CYP39A1: variants seen among roughly 807,000 people sequenced by gnomAD.
The protein encoded by CYP39A1 is cytochrome P450 family 39 subfamily A member 1.
Under a neutral mutation model 58.1 loss-of-function variants are expected in CYP39A1, and 49 were observed. The observed-to-expected ratio is 0.84, with a 90% CI of 0.67 to 1.07. The LOEUF (loss-of-function observed/expected upper bound fraction) is 1.07. Among genes scored for constraint, CYP39A1 ranks in the 50% least tolerant of loss-of-function variants. The probability of loss-of-function intolerance (pLI) is 0.00; values close to 1 mark genes in which losing one functional copy is unlikely to be tolerated. For synonymous variants in CYP39A1, 209 were observed against 187.6 expected (o/e 1.11, Z -0.93); for missense variants, 531 against 539.4 (o/e 0.98, Z 0.16).
At chr6:46,647,907 T>C (rs1762429156) in intron 1 of CYP39A1, among the ~76,000 whole-genome samples, 1 of 152,200 alleles carries the variant, frequency 6.6e-6, no homozygotes, top group African/African-American at 2.4e-5. Flanking sequence ...GCAAAAATTT[T>C]TTCCCATTCT....
In CYP39A1 at chr6:46,567,427, G is replaced by A. The variant is rs182349331; in HGVS notation, c.1251-13573C>T. 2.0e-3 allele frequency among the ~76,000 whole-genome samples: 306 copies of A among 152,190 alleles called. 1 individual carries two copies. Among genetic ancestry groups the A allele is most frequent in the African/African-American group, 6.8e-3 (284 of 41,540 alleles). ...GCTATTGTGATTAATGCTGCAATGA[G>A]CCTAGGAGGGCAAATACTTCTTTTG... On this transcript the variant is annotated intron_variant, in intron 10 of 11. Transcript: ENST00000275016.
chr6:46,634,669 G>A (rs1000968880), intron 5 of CYP39A1, among the ~76,000 whole-genome samples: 4 of 151,510 alleles, frequency 2.6e-5, no homozygotes, highest in South Asian at 2.1e-4. Flanking sequence ...TTACAGGCGC[G>A]CACCACCATG....
At chr6:46,603,479 C>T (rs1456295256) in intron 7 of CYP39A1, among the ~76,000 whole-genome samples, 1 of 152,136 alleles carries the variant, frequency 6.6e-6, no homozygotes, top group Non-Finnish European at 1.5e-5. Context: ...CAAGCATTTG[C>T]CCCTTTTATC....
chr6:46,622,315 T>G (rs970879652), intron 7 of CYP39A1, among the ~76,000 whole-genome samples: 3 of 151,940 alleles, frequency 2.0e-5, no homozygotes, highest in Admixed American at 6.6e-5. Context: ...AAGGATAAAT[T>G]TTATGGTATG....
rs142663417 is a variant in CYP39A1 at position 46,589,912 on chromosome 6, T to C, written c.1066-1783A>G. ...ATGACTTGGAGGCTGCTGACTGTTG[T>C]AGCCTATAAAGCAGGTTAGCAAAGG... is the stretch of plus-strand genomic sequence containing the variant. On this transcript the variant is annotated intron_variant, in intron 8 of 11. Coordinates refer to ENST00000275016, the MANE Select transcript of CYP39A1 (RefSeq NM_016593.5). Among the ~76,000 whole-genome samples the C allele has an allele frequency of 1.5e-3, 233 of 152,200 alleles. 3 individuals carry two copies. The highest frequency in any genetic ancestry group is 0.013 in the Admixed American group (206 of 15,270).
At chr6:46,616,167 CTTTCTTTCTTTCT>C (rs1561993948) in intron 7 of CYP39A1, among the ~76,000 whole-genome samples, 1 of 27,084 alleles carries the variant, frequency 3.7e-5, no homozygotes, top group African/African-American at 1.7e-4. Context: ...TTTCTTTTTT[CTTTCTTTCTTTCT>C]TTCTTTCTTC....
At chr6:46,618,988 C>G (rs1774790392) in intron 7 of CYP39A1, among the ~76,000 whole-genome samples, 1 of 152,084 alleles carries the variant, frequency 6.6e-6, no homozygotes, top group Non-Finnish European at 1.5e-5. Flanking sequence ...TATCAGGCCA[C>G]TAGAAACCAC....
chr6:46,557,397 T>C (rs1313011426), intron 10 of CYP39A1, among the ~76,000 whole-genome samples: 2 of 151,628 alleles, frequency 1.3e-5, no homozygotes, highest in Non-Finnish European at 2.9e-5. Flanking sequence ...TCTCAGCACT[T>C]TGGAAGGCTG....
At chr6:46,614,159 GAT>G (rs1418866279) in intron 7 of CYP39A1, among the ~76,000 whole-genome samples, 3 of 151,894 alleles carry the variant, frequency 2.0e-5, no homozygotes, top group African/African-American at 7.3e-5. Context: ...CAGCTCTGTG[GAT>G]ACAATAATAT....
chr6:46,570,428 T>C lies in CYP39A1; in HGVS notation c.1251-16574A>G, dbSNP rs561440151. The stretch of plus-strand genomic sequence containing the variant: ...TTGAGGTGTAAATTTACATTGTTTA[T>C]TTGAGGTCTTTCTTTATTCTTAATG... On this transcript the variant is annotated intron_variant, in intron 10 of 11. Coordinates refer to ENST00000275016, the MANE Select transcript of CYP39A1 (RefSeq NM_016593.5). Among the ~76,000 whole-genome samples the C allele has an allele frequency of 2.0e-5, 3 of 152,310 alleles. No individual in the cohort carries two copies. The South Asian group carries it at 6.2e-4, about 32-fold the overall frequency.
chr6:46,642,444 G>A, intron 1 of CYP39A1, 146 bp from the exon 2 acceptor site: 1 of 728,472 alleles, frequency 1.4e-6, no homozygotes, highest in Non-Finnish European at 2.1e-6. Context: ...AATTTTGATT[G>A]TTTCAGCCAG....
At chr6:46,596,774 AC>A (rs1773190486) in intron 7 of CYP39A1, among the ~76,000 whole-genome samples, 1 of 152,128 alleles carries the variant, frequency 6.6e-6, no homozygotes, top group African/African-American at 2.4e-5. Context: ...TCAACCATCA[AC>A]CTTTGTACCA....
At chr6:46,633,988 G>T (rs748012022) in intron 5 of CYP39A1, among the ~76,000 whole-genome samples, 1 of 152,186 alleles carries the variant, frequency 6.6e-6, no homozygotes, top group Non-Finnish European at 1.5e-5. Flanking sequence ...TGTTCAAGTT[G>T]AATTCTCTCC....
At position 46,602,593 on chromosome 6, in the gene CYP39A1, A is replaced by G. The variant is rs1178821330; in HGVS notation, c.932-6473T>C. 2.0e-5 allele frequency among the ~76,000 whole-genome samples: 3 copies of G among 150,338 alleles called. No individual in the cohort carries two copies. In the South Asian group the frequency reaches 6.3e-4, roughly 32 times the overall value. ...TTTGGGAGGCCGAGGTGGGTGGGTCACCTGAAGTCAGGAGTTCAAGACCAG... is the reference window on the plus strand; with the variant it reads ...TTTGGGAGGCCGAGGTGGGTGGGTCGCCTGAAGTCAGGAGTTCAAGACCAG... On this transcript the variant is annotated intron_variant, in intron 7 of 11. Coordinates refer to ENST00000275016, the MANE Select transcript of CYP39A1 (RefSeq NM_016593.5).
intron 9 of CYP39A1, among the ~76,000 whole-genome samples, chr6:46,587,434 G>T (rs934057430): frequency 2.0e-5 from 3 of 152,110 alleles, no homozygotes; most frequent in African/African-American, 7.2e-5. Flanking sequence ...CTAAGAAGAG[G>T]AAGAATATTT....
intron 6 of CYP39A1, among the ~76,000 whole-genome samples, chr6:46,629,819 T>C (rs1205448598): frequency 6.6e-6 from 1 of 152,194 alleles, no homozygotes; most frequent in Non-Finnish European, 1.5e-5. Flanking sequence ...TTTCAGATAA[T>C]ATAAGTAGCA....
At chr6:46,595,758 AC>A (rs2150523589) in intron 8 of CYP39A1, among the ~76,000 whole-genome samples, 1 of 152,190 alleles carries the variant, frequency 6.6e-6, no homozygotes, top group Non-Finnish European at 1.5e-5. Context: ...GTCTTCTTAC[AC>A]AGAAAACTGA....
intron 1 of CYP39A1, among the ~76,000 whole-genome samples, chr6:46,648,095 A>C (rs1040783725): frequency 3.3e-5 from 5 of 152,142 alleles, no homozygotes; most frequent in African/African-American, 9.7e-5. Context: ...ATTGTGGAAG[A>C]CAGTGTGGTG....
At chr6:46,606,889 G>T (rs929575248) in intron 7 of CYP39A1, among the ~76,000 whole-genome samples, 10 of 152,062 alleles carry the variant, frequency 6.6e-5, no homozygotes, top group Non-Finnish European at 1.0e-4. Context: ...TATCTGTTAT[G>T]TGCTAGCCTA....
Sources: gnomAD v4.1 joint callset for allele counts (sites outside exome capture counted in the v4.1 genomes callset) on GRCh38, gnomAD v4.1.1 for gene constraint, MANE v1.5 for transcripts, NCBI Gene and HGNC (gene_info 2026-07-23, HGNC 2026-07-21) for gene names.